The following YBX2 variants were observed in gnomAD, a reference collection of about 807,000 sequenced individuals.
YBX2 encodes the protein Y-box-binding protein 2.
YBX2 carries 5 observed loss-of-function variants against 44.4 expected under a neutral mutation model. The observed-to-expected ratio is 0.11, with a 90% CI of 0.06 to 0.24. YBX2 has a LOEUF of 0.24. Ranked by LOEUF, YBX2 falls within the 10% of genes least tolerant of loss-of-function variation. The pLI is 1.00. For synonymous variants in YBX2, 188 were observed against 216.1 expected, an observed-to-expected ratio of 0.87 and a Z score of 1.14; for missense variants, 417 against 526.9, an observed-to-expected ratio of 0.79 and a Z score of 2.04.
At position 7,294,313 on chromosome 17, in the gene YBX2, G is replaced by A; in HGVS notation, c.188C>T (p.Ser63Phe). ...CGTCGCCGGATTGCCAGGGGTGCGGGAGCCCGGCGCCGAGGGGGTCCCAGC... is the reference window on the plus strand; with the variant it reads ...CGTCGCCGGATTGCCAGGGGTGCGGAAGCCCGGCGCCGAGGGGGTCCCAGC... Reference protein sequence around the residue: ...PAAGTPSAPGSRTPGNPATAV... With the variant: ...PAAGTPSAPGFRTPGNPATAV... The change falls in exon 1 of 9, where the codon TCC becomes TTC. Residue 63 changes from serine (S) to phenylalanine (F), a missense_variant. Physicochemically the swap from Ser to Phe is radical, Grantham distance 155 (BLOSUM62 -2). Coordinates refer to ENST00000007699, the MANE Select transcript of YBX2 (RefSeq NM_015982.4). The surrounding 1 kb of genome is among the most constrained non-coding windows in gnomAD (Gnocchi z 4.6). The A allele has an allele frequency of 6.2e-6, 8 of 1,280,242 alleles. No homozygotes were observed. Among genetic ancestry groups the A allele is most frequent in the Non-Finnish European group, 7.8e-6 (8 of 1,019,770 alleles). The allele number at this position is 1,280,242 out of a possible 1,614,324, so 79.3% of individuals were successfully genotyped here.
Position 7,288,751 on chromosome 17 carries a change from G to C in YBX2, c.*37C>G. The stretch of plus-strand genomic sequence containing the variant: ...ACCCAACTGCACCAGCCACTCACCA[G>C]ATGGCAGCTCTGGGTGTCCTCTGAG... On this transcript the variant is annotated splice_region_variant and 3_prime_UTR_variant, in exon 8 of 9. Coordinates refer to ENST00000007699, the MANE Select transcript of YBX2 (RefSeq NM_015982.4). 1.2e-6 allele frequency: 2 copies of C among 1,613,474 alleles called. No individual in the cohort carries two copies. Among genetic ancestry groups the C allele is most frequent in the Non-Finnish European group, 8.5e-7 (1 of 1,179,512 alleles).
In YBX2 at chr17:7,292,103, C is replaced by T. The variant is rs765385495; in HGVS notation, c.336-44G>A. On this transcript the variant is annotated intron_variant, in intron 2 of 8. Transcript: ENST00000007699. ...CGTTAAGGAAGGGACTTCAACAAAG[C>T]CCTCAGCTCCTCACTGAGGTCCCCC... The T allele has an allele frequency of 3.1e-6, 5 of 1,612,324 alleles. No individual in the cohort carries two copies. The South Asian group carries it at 3.3e-5, about 11-fold the overall frequency.
chr17:7,290,642 T>TA, intron 4 of YBX2, 107 bp from the exon 5 acceptor site: 1 of 1,346,060 alleles, frequency 7.4e-7, no homozygotes, highest in Non-Finnish European at 1.0e-6. Context: ...AGCTTTCCTT[T>TA]AGCTCCTCTA....
chr17:7,289,994 C>T lies in YBX2; in HGVS notation c.822G>A (p.Pro274=), dbSNP rs774610299. ...HQQQGDERVP[P]PRFRPRYRRP... ...TTCGGTACCTGGGCCGGAATCTGGG[C>T]GGGGGGACTCGCTCATCTCCCTGCT... Residue 274 remains proline (P), a synonymous_variant, in exon 6 of 9, where the codon CCG becomes CCA. Coordinates refer to ENST00000007699, the MANE Select transcript of YBX2 (RefSeq NM_015982.4). 5.0e-5 allele frequency: 81 copies of T among 1,614,104 alleles called. No individual in the cohort carries two copies. Among genetic ancestry groups the T allele is most frequent in the African/African-American group, 9.3e-5 (7 of 74,934 alleles).
At chr17:7,288,928 T>C (rs2072475666) in intron 7 of YBX2, 90 bp from the exon 8 acceptor site, 1 of 1,529,658 alleles carries the variant, frequency 6.5e-7, no homozygotes, top group Non-Finnish European at 9.0e-7. Context: ...AGTGGCGTGA[T>C]CTTGGCTCAC....
chr17:7,292,154 G>T, intron 2 of YBX2, 95 bp from the exon 3 acceptor site: 1 of 1,407,130 alleles, frequency 7.1e-7, no homozygotes, highest in Admixed American at 1.7e-5. Flanking sequence ...AGCTCAGTGG[G>T]CCCATCCTCT....
chr17:7,294,126 C>A lies in YBX2; in HGVS notation c.271+104G>T. 1 of 1,186,812 alleles carries A rather than the reference C, an allele frequency of 8.4e-7. No homozygotes were observed. Among genetic ancestry groups the A allele is most frequent in the Non-Finnish European group, 1.1e-6 (1 of 947,334 alleles). 73.5% of individuals were successfully genotyped at this position (1,186,812 alleles called of 1,614,324 possible). Reference sequence around the variant, plus strand: ...CAGCCCAGTTAGCGCTCTGGGCCTGCGGGCCAGGCCGCCTTTGGTTTTCCG... The same window carrying A: ...CAGCCCAGTTAGCGCTCTGGGCCTGAGGGCCAGGCCGCCTTTGGTTTTCCG... On this transcript the variant is annotated intron_variant, in intron 1 of 8. Transcript: ENST00000007699. This position sits in a 1 kb window ranked among gnomAD's most constrained non-coding sequence, Gnocchi z 4.6.
chr17:7,291,085 C>A lies in YBX2; in HGVS notation c.459+8G>T, dbSNP rs377514037. The A allele has an allele frequency of 4.3e-6, 7 of 1,612,180 alleles. No homozygotes were observed. The highest frequency in any genetic ancestry group is 5.9e-6 in the Non-Finnish European group (7 of 1,179,926). On this transcript the variant is annotated splice_region_variant and intron_variant, in intron 4 of 8. Transcript: ENST00000007699. This position sits in a 1 kb window ranked among gnomAD's most constrained non-coding sequence, Gnocchi z 5.8. ...AGTCAACTCTATACCCCATAGCAGT[C>A]CCCAAACCTTCTCTCCTTCCACGAC...
intron 7 of YBX2, 77 bp from the exon 8 acceptor site, chr17:7,288,915 T>A: frequency 6.3e-7 from 1 of 1,575,506 alleles, no homozygotes; most frequent in Non-Finnish European, 8.7e-7. Context: ...TTGGATGGAG[T>A]ACAGTGGCGT....
chr17:7,288,741 C>T lies in YBX2; in HGVS notation c.*39+8G>A. 1 of 1,612,134 alleles carries T rather than the reference C, an allele frequency of 6.2e-7. No individual in the cohort carries two copies. Reference sequence around the variant, plus strand: ...CTGGCCACCCACCCAACTGCACCAGCCACTCACCAGATGGCAGCTCTGGGT... The same window carrying T: ...CTGGCCACCCACCCAACTGCACCAGTCACTCACCAGATGGCAGCTCTGGGT... On this transcript the variant is annotated splice_region_variant and intron_variant, in intron 8 of 8. Coordinates refer to ENST00000007699, the MANE Select transcript of YBX2 (RefSeq NM_015982.4).
intron 2 of YBX2, chr17:7,292,650 A>C (rs1245660354): frequency 6.5e-6 from 1 of 153,326 alleles, no homozygotes. Context: ...GGTGAGAGAG[A>C]AGAAAACATT....
rs571716862 is a variant in YBX2 at position 7,291,371 on chromosome 17, G to A, written c.370-189C>T. On this transcript the variant is annotated intron_variant, in intron 3 of 8. Transcript: ENST00000007699. The surrounding 1 kb of genome is among the most constrained non-coding windows in gnomAD (Gnocchi z 5.8). Reference sequence around the variant, plus strand: ...TGAACTCAGGGCCTCAGCAGATTGTGCAGTTACCACCATCCCCAGGATGCA... The same window carrying A: ...TGAACTCAGGGCCTCAGCAGATTGTACAGTTACCACCATCCCCAGGATGCA... The A allele has an allele frequency of 2.6e-3, 1,673 of 644,028 alleles. 8 individuals carry two copies. The highest frequency in any genetic ancestry group is 5.3e-3 in the Middle Eastern group (13 of 2,452). The allele number at this position is 644,028 out of a possible 1,614,324, so 39.9% of individuals were successfully genotyped here.
rs771111286 is a variant in YBX2, at chr17:7,289,983, C to T, written c.833G>A (p.Arg278Gln). 12 of 1,614,098 alleles carry T rather than the reference C, an allele frequency of 7.4e-6. No homozygotes were observed. The highest frequency in any genetic ancestry group is 2.2e-5 in the East Asian group (1 of 44,894). The change falls in exon 6 of 9, where the codon CGG becomes CAG. Residue 278 changes from arginine to glutamine, a missense_variant. By Grantham distance (43) the Arg-to-Gln change is conservative (BLOSUM62 1). This residue lies in a region of YBX2 where 257 missense variants were observed against 261.7 expected (regional missense o/e 0.98). Coordinates refer to ENST00000007699, the MANE Select transcript of YBX2 (RefSeq NM_015982.4). ...GGGGTCTTACCTTCGGTACCTGGGC[C>T]GGAATCTGGGCGGGGGGACTCGCTC... is the stretch of plus-strand genomic sequence containing the variant. ...GDERVPPPRF[R>Q]PRYRRPFRPR...
chr17:7,290,775 G>C (rs2072496045), intron 4 of YBX2, among the ~76,000 whole-genome samples: 1 of 152,200 alleles, frequency 6.6e-6, no homozygotes, highest in Non-Finnish European at 1.5e-5. Context: ...GGTGGAGAAA[G>C]GCCTGGCAGC....
rs1322052603 is a variant in YBX2 at position 7,294,307 on chromosome 17, G to A, written c.194C>T (p.Thr65Ile). The A allele has an allele frequency of 4.3e-5, 55 of 1,280,802 alleles. No individual in the cohort carries two copies. Among genetic ancestry groups the A allele is most frequent in the Non-Finnish European group, 5.4e-5 (55 of 1,020,390 alleles). The allele number at this position is 1,280,802 out of a possible 1,614,324, so 79.3% of individuals were successfully genotyped here. A position where few individuals can be genotyped will look rare whatever the true frequency, so the allele number is the denominator to read the frequency against. Residue 65 changes from threonine (T) to isoleucine (I), a missense_variant, in exon 1 of 9, where the codon ACC becomes ATC. This residue lies in a region of YBX2 where 121 missense variants were observed against 141.3 expected (regional missense o/e 0.86). Transcript: ENST00000007699. This position sits in a 1 kb window ranked among gnomAD's most constrained non-coding sequence, Gnocchi z 4.6. ...AGTPSAPGSR[T>I]PGNPATAVSG... ...GACCGCCGTCGCCGGATTGCCAGGG[G>A]TGCGGGAGCCCGGCGCCGAGGGGGT...
At position 7,291,852 on chromosome 17, in the gene YBX2, C is replaced by T. The variant is rs1398447009; in HGVS notation, c.369+174G>A. On this transcript the variant is annotated intron_variant, in intron 3 of 8. Coordinates refer to ENST00000007699, the MANE Select transcript of YBX2 (RefSeq NM_015982.4). The surrounding 1 kb of genome is among the most constrained non-coding windows in gnomAD (Gnocchi z 5.8). Reference sequence around the variant, plus strand: ...GGGTAACATGCTCAATTCTGACGGACGTTTAGTAACCCAGCACAAGTGCGG... The same window carrying T: ...GGGTAACATGCTCAATTCTGACGGATGTTTAGTAACCCAGCACAAGTGCGG... 4 of 765,380 alleles carry T rather than the reference C, an allele frequency of 5.2e-6. No individual in the cohort carries two copies. Among genetic ancestry groups the T allele is most frequent in the Non-Finnish European group, 6.6e-6 (3 of 452,262 alleles). The allele number at this position is 765,380 out of a possible 1,614,324, so 47.4% of individuals were successfully genotyped here. A position where few individuals can be genotyped will look rare whatever the true frequency, so the allele number is the denominator to read the frequency against.
At position 7,292,079 on chromosome 17, in the gene YBX2, G is replaced by A. The variant is rs764234094; in HGVS notation, c.336-20C>T. The A allele has an allele frequency of 2.7e-5, 43 of 1,613,934 alleles. No homozygotes were observed. The highest frequency in any genetic ancestry group is 3.3e-5 in the Non-Finnish European group (39 of 1,179,974). On this transcript the variant is annotated intron_variant, in intron 2 of 8. Transcript: ENST00000007699. Reference sequence around the variant, plus strand: ...TCATTCCTGCAGAACAGGATGGGTCGTTAAGGAAGGGACTTCAACAAAGCC... The same window carrying A: ...TCATTCCTGCAGAACAGGATGGGTCATTAAGGAAGGGACTTCAACAAAGCC...
intron 1 of YBX2, chr17:7,293,820 G>A: frequency 1.9e-5 from 11 of 590,782 alleles, no homozygotes; most frequent in South Asian, 1.6e-4. Flanking sequence ...CTAGAACTGG[G>A]TACTCACCTG....
Position 7,291,023 on chromosome 17 carries a change from G to T in YBX2, c.459+70C>A. ...CAGAGCTGGCCCCAGGAGGGTCTTA[G>T]CCTGTGATGACCTCCAGGCCACCCT... On this transcript the variant is annotated intron_variant, in intron 4 of 8. Coordinates refer to ENST00000007699, the MANE Select transcript of YBX2 (RefSeq NM_015982.4). The surrounding 1 kb of genome is among the most constrained non-coding windows in gnomAD (Gnocchi z 5.8). 6.7e-7 allele frequency: 1 copy of T among 1,502,138 alleles called. No individual in the cohort carries two copies. Among genetic ancestry groups the T allele is most frequent in the Non-Finnish European group, 9.3e-7 (1 of 1,079,816 alleles). 93.1% of individuals were successfully genotyped at this position (1,502,138 alleles called of 1,614,324 possible).
Sources: allele counts gnomAD v4.1 joint callset (sites outside exome capture counted in the v4.1 genomes callset), GRCh38; gene constraint gnomAD v4.1.1; regional missense constraint gnomAD v4.1.1; non-coding constraint Gnocchi (gnomAD v3.1); transcripts MANE v1.5; gene names NCBI Gene and HGNC (gene_info 2026-07-23, HGNC 2026-07-21).